The following FIP1L1 variants were observed in gnomAD, a reference collection of about 807,000 sequenced individuals.
The protein encoded by FIP1L1 is factor interacting with PAPOLA and CPSF1.
In FIP1L1, 21 loss-of-function variants were observed where a neutral mutation model predicts 84.6. That is an observed-to-expected ratio of 0.25 (90% confidence interval 0.18 to 0.36). The LOEUF (loss-of-function observed/expected upper bound fraction) is 0.36, where lower values mean the gene tolerates loss of function less well. FIP1L1 is among the 10% of genes least tolerant of loss of function. FIP1L1 has a pLI of 1.00. For synonymous variants in FIP1L1, 263 were observed against 242.3 expected (o/e 1.09, Z -0.80); for missense variants, 526 against 751.1 (o/e 0.70, Z 3.50).
At chr4:53,405,278 T>G (rs1752659491) in intron 10 of FIP1L1, among the ~76,000 whole-genome samples, 1 of 151,990 alleles carries the variant, frequency 6.6e-6, no homozygotes, top group African/African-American at 2.4e-5. Context: ...CCTTTCCCCA[T>G]TGCTTGTTTT....
At position 53,457,197 on chromosome 4, in the gene FIP1L1, C is replaced by T. The variant is rs377562294; in HGVS notation, c.1500-1456C>T. 2.6e-5 allele frequency among the ~76,000 whole-genome samples: 4 copies of T among 151,966 alleles called. No individual in the cohort carries two copies. The South Asian group carries it at 8.3e-4, about 32-fold the overall frequency. On this transcript the variant is annotated intron_variant, in intron 16 of 17. Coordinates refer to ENST00000337488, the MANE Select transcript of FIP1L1 (RefSeq NM_030917.4). The stretch of plus-strand genomic sequence containing the variant: ...TTGGCAATTTTACAGGTGAGAAAAC[C>T]GAGGTTTAGAGAGGTAATAGGTAAT...
intron 13 of FIP1L1, among the ~76,000 whole-genome samples, chr4:53,430,502 C>T (rs1464288291): frequency 6.6e-6 from 1 of 151,494 alleles, no homozygotes; most frequent in Non-Finnish European, 1.5e-5. Flanking sequence ...CCACCATACC[C>T]GGCATTTTTG....
chr4:53,439,237 A>G (rs6821471), intron 13 of FIP1L1, among the ~76,000 whole-genome samples: 65,729 of 151,916 alleles, frequency 0.43, 15,734 homozygotes, highest in Admixed American at 0.54. Context: ...GGAAACAGGA[A>G]GGTAACCTCA....
At chr4:53,427,420 G>A (rs1469751739) in intron 12 of FIP1L1, among the ~76,000 whole-genome samples, 2 of 152,152 alleles carry the variant, frequency 1.3e-5, no homozygotes, top group African/African-American at 2.4e-5. Context: ...ACACAAAGAA[G>A]CATTTTGCAA....
At chr4:53,415,841 A>C (rs1312288786) in intron 11 of FIP1L1, among the ~76,000 whole-genome samples, 2 of 152,162 alleles carry the variant, frequency 1.3e-5, no homozygotes, top group Non-Finnish European at 2.9e-5. Context: ...TCTAAACTGT[A>C]AGTCTAGCAA....
chr4:53,452,595 A>C (rs1716765890), intron 15 of FIP1L1, among the ~76,000 whole-genome samples: 1 of 152,262 alleles, frequency 6.6e-6, no homozygotes, highest in Non-Finnish European at 1.5e-5. Context: ...TTGGGATTAC[A>C]GGCGTAAGCC....
intron 9 of FIP1L1, among the ~76,000 whole-genome samples, chr4:53,394,084 T>G (rs1459995074): frequency 6.6e-6 from 1 of 152,130 alleles, no homozygotes; most frequent in Non-Finnish European, 1.5e-5. Context: ...TTTCTGTTGT[T>G]AATTTCCAAG....
intron 9 of FIP1L1, among the ~76,000 whole-genome samples, chr4:53,393,576 T>C (rs1745463638): frequency 6.6e-6 from 1 of 152,052 alleles, no homozygotes; most frequent in Admixed American, 6.6e-5. Context: ...AGAAATTTAA[T>C]AGGTATAAAA....
chr4:53,405,030 GT>G (rs1553913578), intron 10 of FIP1L1, among the ~76,000 whole-genome samples: 3 of 151,526 alleles, frequency 2.0e-5, no homozygotes, highest in Non-Finnish European at 4.4e-5. Flanking sequence ...CCATTTGTCA[GT>G]TTTGGCTTTT....
intron 9 of FIP1L1, among the ~76,000 whole-genome samples, chr4:53,392,619 TAGC>T (rs1305050882): frequency 6.6e-6 from 1 of 152,206 alleles, no homozygotes; most frequent in Admixed American, 6.5e-5. Flanking sequence ...ACTAGTTCAT[TAGC>T]AGCAGTGCAT....
At chr4:53,448,142 G>T (rs1774989466) in intron 15 of FIP1L1, among the ~76,000 whole-genome samples, 1 of 151,978 alleles carries the variant, frequency 6.6e-6, no homozygotes, top group Admixed American at 6.6e-5. Context: ...AAGTTTTCAA[G>T]TTTTGCTCTT....
chr4:53,400,072 G>T lies in FIP1L1; in HGVS notation c.815+233G>T, dbSNP rs113967782. Among the ~76,000 whole-genome samples the T allele has an allele frequency of 6.5e-3, 996 of 152,264 alleles. 12 individuals carry two copies. Among genetic ancestry groups the T allele is most frequent in the African/African-American group, 0.023 (961 of 41,564 alleles). ...ATATAGTTTTGTGTATGAATAAAGA[G>T]ACAATCTTATATTCAAGAGAGGTGA... On this transcript the variant is annotated intron_variant, in intron 10 of 17. Coordinates refer to ENST00000337488, the MANE Select transcript of FIP1L1 (RefSeq NM_030917.4).
intron 13 of FIP1L1, among the ~76,000 whole-genome samples, chr4:53,439,396 A>G (rs1339361939): frequency 6.6e-6 from 1 of 152,050 alleles, no homozygotes; most frequent in Non-Finnish European, 1.5e-5. Context: ...GGGTGGTTAA[A>G]ATCAGGTGCT....
intron 10 of FIP1L1, among the ~76,000 whole-genome samples, chr4:53,400,310 A>G (rs1293420542): frequency 1.3e-5 from 2 of 152,224 alleles, no homozygotes; most frequent in South Asian, 2.1e-4. Flanking sequence ...TTGATTTTAT[A>G]TGATAATACC....
At chr4:53,383,221 T>C (rs1456624371) in intron 4 of FIP1L1, among the ~76,000 whole-genome samples, 3 of 152,086 alleles carry the variant, frequency 2.0e-5, no homozygotes, top group African/African-American at 7.2e-5. Flanking sequence ...AAAAATGAGG[T>C]GTTGTTTACC....
chr4:53,405,073 A>G (rs1752506535), intron 10 of FIP1L1, among the ~76,000 whole-genome samples: 1 of 152,174 alleles, frequency 6.6e-6, no homozygotes, highest in Non-Finnish European at 1.5e-5. Flanking sequence ...TTAGACATGA[A>G]GTCCTTGCCC....
At chr4:53,457,934 G>C (rs189537354) in intron 16 of FIP1L1, among the ~76,000 whole-genome samples, 3 of 152,170 alleles carry the variant, frequency 2.0e-5, no homozygotes, top group Admixed American at 2.0e-4. Flanking sequence ...TCACCAGTCT[G>C]TGTAATTCAA....
intron 14 of FIP1L1, among the ~76,000 whole-genome samples, chr4:53,443,094 GA>G (rs1479509704): frequency 1.3e-5 from 2 of 152,080 alleles, no homozygotes; most frequent in Non-Finnish European, 2.9e-5. Context: ...CCATAGTCAA[GA>G]AAAGCTGTCT....
At chr4:53,379,356 C>T (rs1335323893) in intron 3 of FIP1L1, 92 bp downstream of exon 3, 6 of 1,099,668 alleles carry the variant, frequency 5.5e-6, no homozygotes, top group Non-Finnish European at 7.9e-6. Context: ...CAATCATTGG[C>T]TTCATTACAA....
Sources: allele counts gnomAD v4.1 joint callset (sites outside exome capture counted in the v4.1 genomes callset), GRCh38; gene constraint gnomAD v4.1.1; transcripts MANE v1.5; gene names NCBI Gene and HGNC (gene_info 2026-07-23, HGNC 2026-07-21).